BZW2: variants seen among roughly 807,000 people sequenced by gnomAD.
The protein encoded by BZW2 is eIF5-mimic protein 1.
In BZW2, 23 loss-of-function variants were observed where a neutral mutation model predicts 53.2. The observed-to-expected ratio is 0.43, with a 90% CI of 0.31 to 0.61. BZW2 has a LOEUF of 0.61. Among genes scored for constraint, BZW2 ranks in the 20% least tolerant of loss-of-function variants. The probability of loss-of-function intolerance (pLI) is 0.09; values close to 1 mark genes in which losing one functional copy is unlikely to be tolerated. For synonymous variants in BZW2, 227 were observed against 186.4 expected (o/e 1.22, Z -1.77); for missense variants, 409 against 503.1 (o/e 0.81, Z 1.79).
chr7:16,702,684 G>A (rs1236369716), intron 10 of BZW2, among the ~76,000 whole-genome samples: 1 of 152,072 alleles, frequency 6.6e-6, no homozygotes, highest in East Asian at 1.9e-4. Flanking sequence ...CAGACAAATA[G>A]TATCACTAAA....
chr7:16,659,119 G>T (rs1782189507), intron 1 of BZW2, among the ~76,000 whole-genome samples: 1 of 151,814 alleles, frequency 6.6e-6, no homozygotes, highest in Admixed American at 6.6e-5. Flanking sequence ...AATAAAAAAA[G>T]TATATTCTCC....
At chr7:16,674,387 G>A in intron 2 of BZW2, 25 bp from the exon 3 acceptor site, 1 of 1,514,714 alleles carries the variant, frequency 6.6e-7, no homozygotes, top group Non-Finnish European at 9.0e-7. Flanking sequence ...TTATTTGACT[G>A]TTATTTTGAA....
intron 2 of BZW2, among the ~76,000 whole-genome samples, chr7:16,666,324 C>G (rs960051993): frequency 6.6e-6 from 1 of 152,038 alleles, no homozygotes; most frequent in African/African-American, 2.4e-5. Flanking sequence ...CAGTCCTCCT[C>G]CCTTGGCCTC....
chr7:16,696,750 A>G (rs1783504608), intron 8 of BZW2, among the ~76,000 whole-genome samples, 165 bp from the exon 9 acceptor site: 2 of 152,222 alleles, frequency 1.3e-5, no homozygotes, highest in Admixed American at 6.5e-5. Context: ...ACAAATCATT[A>G]TAGTTTTTCT....
Position 16,704,570 on chromosome 7 carries a change from A to G in BZW2, c.1132A>G (p.Ile378Val). The G allele has an allele frequency of 1.9e-6, 3 of 1,572,314 alleles. No homozygotes were observed. Among genetic ancestry groups the G allele is most frequent in the Non-Finnish European group, 1.7e-6 (2 of 1,148,094 alleles). ...AGCTGATGTTCTGAGCGAAGAAGCAATACTGAAATGGTATAAGGAAGCACA... is the reference window on the plus strand; with the variant it reads ...AGCTGATGTTCTGAGCGAAGAAGCAGTACTGAAATGGTATAAGGAAGCACA... Reference protein sequence around the residue: ...YKADVLSEEAILKWYKEAHVA... With the variant: ...YKADVLSEEAVLKWYKEAHVA... Residue 378 changes from isoleucine (I) to valine (V), a missense_variant, in exon 11 of 12, where the codon ATA becomes GTA. Around this residue, in one of 3 missense-constraint regions of BZW2, gnomAD observed 88 missense variants for 114.6 expected, o/e 0.77. Coordinates refer to ENST00000258761, the MANE Select transcript of BZW2 (RefSeq NM_014038.3).
Position 16,689,925 on chromosome 7 carries a change from AAG to A in BZW2, c.651+22_651+23del, listed in dbSNP as rs1347338765. ...GCTGCTTGTAAGTGTTTTCTGGTTA[AAG>A]AGTTGTATGTATGATGCCTTTCTTG... On this transcript the variant is annotated intron_variant, in intron 7 of 11. Transcript: ENST00000258761. The A allele has an allele frequency of 1.3e-6, 2 of 1,593,760 alleles. No homozygotes were observed. The highest frequency in any genetic ancestry group is 1.7e-6 in the Non-Finnish European group (2 of 1,165,422).
intron 1 of BZW2, among the ~76,000 whole-genome samples, chr7:16,664,003 C>A (rs1033174124): frequency 6.6e-6 from 1 of 152,118 alleles, no homozygotes; most frequent in Admixed American, 6.5e-5. Context: ...TTTCTTGTAG[C>A]CTTCTTAAAT....
intron 1 of BZW2, among the ~76,000 whole-genome samples, chr7:16,660,400 T>TAA (rs77517152): frequency 0.059 from 7,668 of 130,096 alleles, 270 homozygotes; most frequent in African/African-American, 0.077. Context: ...ACTCCATATT[T>TAA]AAAAAAAAAA....
intron 10 of BZW2, among the ~76,000 whole-genome samples, chr7:16,699,240 G>GT (rs1783594281): frequency 1.3e-5 from 2 of 152,254 alleles, no homozygotes; most frequent in Admixed American, 1.3e-4. Flanking sequence ...TCAGTAATTG[G>GT]TATTTTCTCC....
intron 2 of BZW2, among the ~76,000 whole-genome samples, chr7:16,672,358 C>G (rs1296459918): frequency 6.6e-6 from 1 of 152,000 alleles, no homozygotes; most frequent in African/African-American, 2.4e-5. Context: ...GGTCTTTGAC[C>G]TTTTTTCTAT....
intron 10 of BZW2, among the ~76,000 whole-genome samples, chr7:16,699,134 T>A (rs965451258): frequency 2.0e-5 from 3 of 152,210 alleles, no homozygotes; most frequent in Non-Finnish European, 4.4e-5. Flanking sequence ...CACAAGTGTT[T>A]GGGTGATATT....
At chr7:16,652,420 A>T (rs897137261) in intron 1 of BZW2, among the ~76,000 whole-genome samples, 4 of 152,202 alleles carry the variant, frequency 2.6e-5, no homozygotes, top group African/African-American at 9.6e-5. Context: ...AGTGACCTCC[A>T]TGAAATTTGC....
chr7:16,700,242 T>A (rs1783624747), intron 10 of BZW2, among the ~76,000 whole-genome samples: 1 of 152,252 alleles, frequency 6.6e-6, no homozygotes, highest in Non-Finnish European at 1.5e-5. Context: ...AGTGAAATGA[T>A]TCCATGTTTT....
intron 1 of BZW2, among the ~76,000 whole-genome samples, chr7:16,653,196 A>G (rs1173050835): frequency 2.6e-5 from 4 of 152,140 alleles, no homozygotes; most frequent in African/African-American, 9.7e-5. Context: ...GAGCTTCCTG[A>G]AGGTCCACTA....
At chr7:16,696,255 C>A (rs1484669263) in intron 8 of BZW2, among the ~76,000 whole-genome samples, 2 of 152,108 alleles carry the variant, frequency 1.3e-5, no homozygotes, top group African/African-American at 4.8e-5. Context: ...AAGGAAAAAG[C>A]CTTTCAAATA....
intron 2 of BZW2, among the ~76,000 whole-genome samples, chr7:16,667,379 G>A (rs1484242596): frequency 3.9e-5 from 6 of 152,032 alleles, no homozygotes; most frequent in Admixed American, 2.0e-4. Context: ...AAATAAAGTT[G>A]AAGGGAATTA....
intron 9 of BZW2, 46 bp downstream of exon 9, chr7:16,697,107 A>G: frequency 6.3e-7 from 1 of 1,585,934 alleles, no homozygotes; most frequent in Non-Finnish European, 8.6e-7. Context: ...GGCAAACTGC[A>G]GCTTTTTTTG....
At chr7:16,693,202 T>C (rs1783371010) in intron 7 of BZW2, among the ~76,000 whole-genome samples, 1 of 152,144 alleles carries the variant, frequency 6.6e-6, no homozygotes, top group African/African-American at 2.4e-5. Flanking sequence ...GACCTTAATC[T>C]AGGGATGAGA....
At chr7:16,652,467 C>A (rs1782008335) in intron 1 of BZW2, among the ~76,000 whole-genome samples, 1 of 152,112 alleles carries the variant, frequency 6.6e-6, no homozygotes, top group African/African-American at 2.4e-5. Context: ...TTGACTAGTA[C>A]CAGACCTGGT....
Sources: allele counts gnomAD v4.1 joint callset (sites outside exome capture counted in the v4.1 genomes callset), GRCh38; gene constraint gnomAD v4.1.1; regional missense constraint gnomAD v4.1.1; transcripts MANE v1.5; gene names NCBI Gene and HGNC (gene_info 2026-07-23, HGNC 2026-07-21).